Variants in EZH2 observed in about 807,000 individuals in gnomAD.
EZH2 encodes the protein histone-lysine N-methyltransferase EZH2.
A neutral mutation model predicts 98.4 loss-of-function variants in EZH2; 18 were observed. The ratio of observed to expected loss-of-function variants is 0.18; its 90% CI spans 0.13 to 0.27. The LOEUF is 0.27. EZH2 is among the 10% of genes least tolerant of loss of function. The probability of loss-of-function intolerance (pLI) is 1.00; values close to 1 mark genes in which losing one functional copy is unlikely to be tolerated. For synonymous variants in EZH2, 338 were observed against 312.3 expected (o/e 1.08, Z -0.87); for missense variants, 470 against 935.1 (o/e 0.50, Z 6.49).
At chr7:148,850,574 CACAAA>C (rs1029692793) in intron 1 of EZH2, 38 of 294,134 alleles carry the variant, frequency 1.3e-4, no homozygotes, top group African/African-American at 7.5e-4. Flanking sequence ...GGATGTTTTA[CACAAA>C]ACAAACTCCC....
intron 14 of EZH2, among the ~76,000 whole-genome samples, 192 bp from the exon 15 acceptor site, chr7:148,814,329 C>T (rs1394522907): frequency 6.6e-6 from 1 of 152,060 alleles, no homozygotes; most frequent in Non-Finnish European, 1.5e-5. Context: ...AAAAAGACCA[C>T]CACTGAGTTG....
chr7:148,871,180 A>G (rs1330388035), intron 1 of EZH2, among the ~76,000 whole-genome samples: 1 of 152,128 alleles, frequency 6.6e-6, no homozygotes, highest in East Asian at 1.9e-4. Context: ...CTACCAAAAG[A>G]AACAGAAAAT....
At chr7:148,834,895 T>C (rs1358188650) in intron 3 of EZH2, among the ~76,000 whole-genome samples, 2 of 152,226 alleles carry the variant, frequency 1.3e-5, no homozygotes, top group African/African-American at 4.8e-5. Flanking sequence ...ATTACAACCT[T>C]ATGGTGTAGT....
intron 1 of EZH2, among the ~76,000 whole-genome samples, chr7:148,856,319 CAGAA>C (rs1313773738): frequency 6.6e-6 from 1 of 152,102 alleles, no homozygotes; most frequent in Non-Finnish European, 1.5e-5. Context: ...CTCAATGTCA[CAGAA>C]AGAAGTTACA....
chr7:148,854,774 T>C (rs1816527180), intron 1 of EZH2, among the ~76,000 whole-genome samples: 1 of 152,252 alleles, frequency 6.6e-6, no homozygotes, highest in African/African-American at 2.4e-5. Flanking sequence ...CCTGTTTGTA[T>C]GTTTAAATGC....
Position 148,810,922 on chromosome 7 carries a change from A to AAAT in EZH2, c.1948-509_1948-508insATT, listed in dbSNP as rs1421079277. On this transcript the variant is annotated intron_variant, in intron 16 of 19. Coordinates refer to ENST00000320356, the MANE Select transcript of EZH2 (RefSeq NM_004456.5). ...AAAAAAAAAAAAAAAAAAAAAAAAA[A>AAAT]TTTGGGTGAGCTGGTTCCAAACTGA... is the stretch of plus-strand genomic sequence containing the variant. Among the ~76,000 whole-genome samples the AAAT allele has an allele frequency of 1.6e-3, 235 of 148,896 alleles. 3 individuals are homozygous for AAAT. The highest frequency in any genetic ancestry group is 5.7e-3 in the African/African-American group (224 of 39,226).
chr7:148,816,398 C>T (rs1287132169), intron 12 of EZH2, among the ~76,000 whole-genome samples: 1 of 152,152 alleles, frequency 6.6e-6, no homozygotes, highest in Non-Finnish European at 1.5e-5. Flanking sequence ...TTTACGTAAC[C>T]TTTACTGCAA....
intron 1 of EZH2, among the ~76,000 whole-genome samples, chr7:148,881,950 A>G (rs1821027410): frequency 9.1e-6 from 1 of 110,234 alleles, no homozygotes; most frequent in East Asian, 2.4e-4. Context: ...AAAAAAACAT[A>G]TACACACACA....
At chr7:148,865,835 A>G (rs937712850) in intron 1 of EZH2, among the ~76,000 whole-genome samples, 12 of 152,130 alleles carry the variant, frequency 7.9e-5, no homozygotes, top group Non-Finnish European at 1.5e-4. Flanking sequence ...CATTTACAGA[A>G]CCTCTCATAA....
intron 1 of EZH2, chr7:148,850,384 T>C: frequency 2.0e-6 from 1 of 509,470 alleles, no homozygotes; most frequent in Non-Finnish European, 2.5e-6. Context: ...TTTTATGTTT[T>C]AGTACTAGAA....
At chr7:148,823,489 G>A (rs530968630) in intron 8 of EZH2, among the ~76,000 whole-genome samples, 5 of 151,558 alleles carry the variant, frequency 3.3e-5, no homozygotes, top group Admixed American at 1.3e-4. Context: ...TAAATAAGAC[G>A]GTCAGAAAAA....
intron 1 of EZH2, among the ~76,000 whole-genome samples, chr7:148,853,548 T>G (rs1374722826): frequency 6.6e-6 from 1 of 152,248 alleles, no homozygotes; most frequent in East Asian, 1.9e-4. Flanking sequence ...CACCTCCTGC[T>G]GTACAGCCCA....
At chr7:148,822,425 C>T (rs150720900) in intron 8 of EZH2, among the ~76,000 whole-genome samples, 1,588 of 151,400 alleles carry the variant, frequency 0.01, 34 homozygotes, top group African/African-American at 0.037. Flanking sequence ...CACAAGAATC[C>T]CTTGAACCCA....
rs1021051685 is a variant in EZH2, at chr7:148,827,020, T to C, written c.728+144A>G. ...ATTTTGTAATGCAGAGTACCACAAG[T>C]ACACATGTTGCTTCAAGTATCTTGC... On this transcript the variant is annotated intron_variant, in intron 7 of 19. Transcript: ENST00000320356. 2.0e-5 allele frequency: 12 copies of C among 609,990 alleles called. No homozygotes were observed. In the East Asian group the frequency reaches 3.1e-4, roughly 16 times the overall value. 37.8% of individuals were successfully genotyped at this position (609,990 alleles called of 1,614,324 possible). A position where few individuals can be genotyped will look rare whatever the true frequency, so the allele number is the denominator to read the frequency against.
chr7:148,850,012 G>A (rs1411275762), intron 1 of EZH2, among the ~76,000 whole-genome samples: 2 of 152,022 alleles, frequency 1.3e-5, no homozygotes, highest in African/African-American at 4.8e-5. Context: ...TATAATGTGG[G>A]TGTTATTACA....
At chr7:148,819,521 G>A (rs772207602) in intron 9 of EZH2, 75 bp downstream of exon 9, 32 of 1,189,912 alleles carry the variant, frequency 2.7e-5, no homozygotes, top group Admixed American at 5.4e-5. Context: ...CAACATTAAC[G>A]CTGACTTGAT....
At chr7:148,860,905 TCAAA>T (rs113656202) in intron 1 of EZH2, among the ~76,000 whole-genome samples, 3,071 of 152,186 alleles carry the variant, frequency 0.02, 90 homozygotes, top group African/African-American at 0.07. Context: ...ATTCCTGGGC[TCAAA>T]CAATCACCTC....
chr7:148,864,012 T>C (rs1254438300), intron 1 of EZH2, among the ~76,000 whole-genome samples: 1 of 152,136 alleles, frequency 6.6e-6, no homozygotes, highest in Non-Finnish European at 1.5e-5. Flanking sequence ...CAGAAAAAAG[T>C]AAAGAACATA....
intron 1 of EZH2, among the ~76,000 whole-genome samples, chr7:148,870,749 G>C (rs1362293638): frequency 6.6e-6 from 1 of 151,254 alleles, no homozygotes; most frequent in Admixed American, 6.6e-5. Context: ...GGCCAACATG[G>C]TGAAACCCCG....
Sources: allele counts gnomAD v4.1 joint callset (sites outside exome capture counted in the v4.1 genomes callset), GRCh38; gene constraint gnomAD v4.1.1; transcripts MANE v1.5; gene names NCBI Gene and HGNC (gene_info 2026-07-23, HGNC 2026-07-21).